RABGAP1L: variants seen among roughly 807,000 people sequenced by gnomAD.
RABGAP1L encodes the protein RAB GTPase activating protein 1 like, also known as rab GTPase-activating protein 1-like.
Under a neutral mutation model 137.7 loss-of-function variants are expected in RABGAP1L, and 63 were observed. That is an observed-to-expected ratio of 0.46 (90% CI 0.37 to 0.56). The LOEUF is 0.56. RABGAP1L is among the 20% of genes least tolerant of loss of function. The probability of loss-of-function intolerance (pLI) is 0.00; values close to 1 mark genes in which losing one functional copy is unlikely to be tolerated. For synonymous variants in RABGAP1L, 431 were observed against 433.7 expected, an observed-to-expected ratio of 0.99 and a Z score of 0.08; for missense variants, 1,095 against 1,244.0, an observed-to-expected ratio of 0.88 and a Z score of 1.80.
intron 11 of RABGAP1L, among the ~76,000 whole-genome samples, chr1:174,311,647 C>G (rs1364274576): frequency 1.3e-5 from 2 of 152,130 alleles, no homozygotes; most frequent in Non-Finnish European, 2.9e-5. Context: ...ACTCTTGTTG[C>G]CCAGGCTGGA....
intron 14 of RABGAP1L, among the ~76,000 whole-genome samples, chr1:174,651,742 A>T (rs954296734): frequency 6.6e-6 from 1 of 152,034 alleles, no homozygotes; most frequent in Non-Finnish European, 1.5e-5. Context: ...TGCAGGTGAG[A>T]TGCGTTTCTT....
chr1:174,715,768 A>G lies in RABGAP1L; in HGVS notation c.2169+13512A>G, dbSNP rs186741087. 3.8e-4 allele frequency among the ~76,000 whole-genome samples: 58 copies of G among 152,314 alleles called. 1 individual carries two copies. The highest frequency in any genetic ancestry group is 1.3e-3 in the African/African-American group (55 of 41,572). On this transcript the variant is annotated intron_variant, in intron 17 of 25. Coordinates refer to ENST00000681986, the MANE Select transcript of RABGAP1L (RefSeq NM_001366446.1). ...ACAGAAATAGTAATCAATTCCCAATATCATTTTGGGTCTTTCAGTCCAAGA... is the reference window on the plus strand; with the variant it reads ...ACAGAAATAGTAATCAATTCCCAATGTCATTTTGGGTCTTTCAGTCCAAGA...
At position 174,223,244 on chromosome 1, in the gene RABGAP1L, C is replaced by T. The variant is rs192672869; in HGVS notation, c.331+2080C>T. Among the ~76,000 whole-genome samples, 304 of 113,202 alleles carry T rather than the reference C, an allele frequency of 2.7e-3. 3 individuals carry two copies. Among genetic ancestry groups the T allele is most frequent in the African/African-American group, 9.1e-3 (284 of 31,252 alleles). 74.3% of individuals were successfully genotyped at this position (113,202 alleles called of 152,430 possible). On this transcript the variant is annotated intron_variant, in intron 3 of 25. Transcript: ENST00000681986. ...GACTGCACCATTGCACTCCAGCCTG[C>T]GTGACAGTGAGACTCTGTCTAAAAA...
intron 20 of RABGAP1L, among the ~76,000 whole-genome samples, chr1:174,963,270 G>T (rs1273151637): frequency 1.3e-5 from 2 of 152,128 alleles, no homozygotes; most frequent in Non-Finnish European, 2.9e-5. Flanking sequence ...ATAACTTAAT[G>T]ATAAACTTCA....
At chr1:174,849,911 T>C in intron 19 of RABGAP1L, 3 of 609,292 alleles carry the variant, frequency 4.9e-6, no homozygotes, top group Non-Finnish European at 9.4e-6. Flanking sequence ...GCTCTTGACA[T>C]CTTTCAGCAG....
At chr1:174,247,450 A>T (rs1307360367) in intron 5 of RABGAP1L, among the ~76,000 whole-genome samples, 2 of 152,200 alleles carry the variant, frequency 1.3e-5, no homozygotes, top group Non-Finnish European at 1.5e-5. Context: ...AGAGATGAAA[A>T]GGGATCCTTG....
chr1:174,451,901 A>G (rs1188643776), intron 13 of RABGAP1L, among the ~76,000 whole-genome samples: 2 of 152,126 alleles, frequency 1.3e-5, no homozygotes, highest in South Asian at 2.1e-4. Flanking sequence ...ACCTTTTTGA[A>G]ATCTCTATCA....
At position 174,993,785 on chromosome 1, in the gene RABGAP1L, G is replaced by C. The variant is rs1026466318; in HGVS notation, c.*3784G>C. The C allele has an allele frequency of 1.3e-5, 2 of 152,160 alleles. No individual in the cohort carries two copies. Among genetic ancestry groups the C allele is most frequent in the African/African-American group, 4.8e-5 (2 of 41,450 alleles). 9.4% of individuals were successfully genotyped at this position (152,160 alleles called of 1,614,324 possible). On this transcript the variant is annotated 3_prime_UTR_variant, in exon 26 of 26. Transcript: ENST00000681986. ...CTTCTGGGAAAGAACACTTTTACTT[G>C]ATTAGCAAGATGATTATATTATATA...
chr1:174,702,277 C>T, intron 17 of RABGAP1L, 21 bp downstream of exon 17: 1 of 1,558,258 alleles, frequency 6.4e-7, no homozygotes, highest in Non-Finnish European at 8.7e-7. Flanking sequence ...TCCCATCTTT[C>T]ACTAAGCCAA....
chr1:174,633,210 A>G (rs1344595112), intron 13 of RABGAP1L, among the ~76,000 whole-genome samples: 2 of 149,646 alleles, frequency 1.3e-5, no homozygotes, highest in African/African-American at 5.0e-5. Flanking sequence ...TCAATGTACA[A>G]AAATCACAAG....
intron 12 of RABGAP1L, among the ~76,000 whole-genome samples, chr1:174,378,639 T>G (rs959777284): frequency 1.3e-5 from 2 of 152,152 alleles, no homozygotes; most frequent in Non-Finnish European, 2.9e-5. Flanking sequence ...GATTGTTTGT[T>G]TTTTTCTTGT....
intron 13 of RABGAP1L, among the ~76,000 whole-genome samples, chr1:174,509,063 C>T (rs1295759096): frequency 1.3e-5 from 2 of 152,142 alleles, no homozygotes; most frequent in African/African-American, 4.8e-5. Context: ...GTAATTAGAG[C>T]ATCTTTGGCT....
intron 19 of RABGAP1L, among the ~76,000 whole-genome samples, chr1:174,886,621 A>G (rs558592321): frequency 7.9e-5 from 12 of 152,276 alleles, no homozygotes; most frequent in South Asian, 6.2e-4. Flanking sequence ...TCCATTATCA[A>G]TTTTGCTTTA....
chr1:174,764,074 G>A (rs1478152566), intron 18 of RABGAP1L, among the ~76,000 whole-genome samples: 1 of 152,088 alleles, frequency 6.6e-6, no homozygotes, highest in East Asian at 1.9e-4. Flanking sequence ...GTGGTCTTTT[G>A]TGACTGGCTT....
chr1:174,388,498 A>C (rs1312420275), intron 12 of RABGAP1L, among the ~76,000 whole-genome samples: 1 of 151,970 alleles, frequency 6.6e-6, no homozygotes, highest in African/African-American at 2.4e-5. Context: ...AGGTTGAGAG[A>C]GAGAGAGAGA....
chr1:174,166,032 A>T (rs1343962664), intron 1 of RABGAP1L, among the ~76,000 whole-genome samples: 1 of 152,002 alleles, frequency 6.6e-6, no homozygotes, highest in Non-Finnish European at 1.5e-5. Flanking sequence ...TTCATTTTTG[A>T]CTCTGGAGTA....
rs1398466471 is a variant in RABGAP1L, at chr1:174,400,895, G to C, written c.1710+6750G>C. ...AATGTGGAACAATTATACTTTATAT[G>C]GTCTTGTTGGTTTTATAATCTATAG... On this transcript the variant is annotated intron_variant, in intron 13 of 25. Coordinates refer to ENST00000681986, the MANE Select transcript of RABGAP1L (RefSeq NM_001366446.1). Among the ~76,000 whole-genome samples the C allele has an allele frequency of 2.6e-5, 4 of 151,926 alleles. No individual in the cohort carries two copies. The South Asian group carries it at 8.3e-4, about 31-fold the overall frequency.
chr1:174,847,183 C>T (rs374012256), intron 19 of RABGAP1L, among the ~76,000 whole-genome samples: 5 of 149,820 alleles, frequency 3.3e-5, no homozygotes, highest in Non-Finnish European at 7.4e-5. Flanking sequence ...CTTTATCCAA[C>T]TTGCCAGTCT....
At chr1:174,425,292 A>G (rs1651818928) in intron 13 of RABGAP1L, among the ~76,000 whole-genome samples, 1 of 151,972 alleles carries the variant, frequency 6.6e-6, no homozygotes, top group Admixed American at 6.6e-5. Context: ...GAATGTAAAC[A>G]TTTCAGAGCT....
Sources: gnomAD v4.1 joint callset for allele counts (sites outside exome capture counted in the v4.1 genomes callset) on GRCh38, gnomAD v4.1.1 for gene constraint, MANE v1.5 for transcripts, NCBI Gene and HGNC (gene_info 2026-07-23, HGNC 2026-07-21) for gene names.